The following DCC variants were observed in gnomAD, a reference collection of about 807,000 sequenced individuals.
The protein encoded by DCC is netrin receptor DCC.
DCC carries 58 observed loss-of-function variants against 172.5 expected under a neutral mutation model. The ratio of observed to expected loss-of-function variants is 0.34; its 90% CI spans 0.27 to 0.42. The LOEUF (loss-of-function observed/expected upper bound fraction) is 0.42, where lower values mean the gene tolerates loss of function less well. DCC is among the 10% of genes least tolerant of loss of function. The pLI, the probability that DCC is intolerant of heterozygous loss-of-function variation, is 1.00. For synonymous variants in DCC, 709 were observed against 644.5 expected, an observed-to-expected ratio of 1.10 and a Z score of -1.52; for missense variants, 1,740 against 1,791.0, an observed-to-expected ratio of 0.97 and a Z score of 0.51.
rs1316782354 is a variant in DCC, at chr18:52,927,156, T to TAC, written c.985+1787_985+1788dup. On this transcript the variant is annotated intron_variant, in intron 5 of 28. Transcript: ENST00000442544. Reference sequence around the variant, plus strand: ...ATATACGTGTATATATGTGTATATATACGTATATATGTGTATATATGTGTA... The same window carrying TAC: ...ATATACGTGTATATATGTGTATATATACACGTATATATGTGTATATATGTGTA... Among the ~76,000 whole-genome samples, 45 of 24,956 alleles carry TAC rather than the reference T, an allele frequency of 1.8e-3. 4 individuals are homozygous for TAC. The highest frequency in any genetic ancestry group is 3.5e-3 in the African/African-American group (41 of 11,874). 16.4% of individuals were successfully genotyped at this position (24,956 alleles called of 152,430 possible).
intron 1 of DCC, among the ~76,000 whole-genome samples, chr18:52,681,255 C>A (rs958602440): frequency 6.6e-6 from 1 of 152,064 alleles, no homozygotes; most frequent in African/African-American, 2.4e-5. Context: ...CCTCCAAAGC[C>A]ATTTTTTTCT....
intron 5 of DCC, among the ~76,000 whole-genome samples, chr18:53,038,055 T>C (rs2042120047): frequency 6.6e-6 from 1 of 151,964 alleles, no homozygotes; most frequent in Admixed American, 6.6e-5. Flanking sequence ...AACAGGTACA[T>C]TTGAGATTAT....
chr18:53,274,242 G>A (rs866674559), intron 12 of DCC, among the ~76,000 whole-genome samples: 46 of 151,950 alleles, frequency 3.0e-4, no homozygotes, highest in African/African-American at 1.1e-3. Flanking sequence ...GGCTGTTATC[G>A]ATTCTACAGA....
At chr18:53,083,559 T>C (rs2042835730) in intron 7 of DCC, among the ~76,000 whole-genome samples, 1 of 152,204 alleles carries the variant, frequency 6.6e-6, no homozygotes, top group African/African-American at 2.4e-5. Flanking sequence ...GGTCTTCCTG[T>C]AACTGCAACA....
chr18:52,353,687 T>TTTCTCTCTCTCTTACA (rs761744067), intron 1 of DCC, among the ~76,000 whole-genome samples: 96 of 152,242 alleles, frequency 6.3e-4, no homozygotes, highest in Admixed American at 1.5e-3. Flanking sequence ...CTGCACTGCC[T>TTTCTCTCTCTCTTACA]GGCAGAGAGA....
intron 5 of DCC, among the ~76,000 whole-genome samples, chr18:52,942,828 T>C (rs2040485086): frequency 6.6e-6 from 1 of 152,202 alleles, no homozygotes; most frequent in Non-Finnish European, 1.5e-5. Flanking sequence ...TGAAATATTT[T>C]GCCTTTTCCA....
intron 1 of DCC, among the ~76,000 whole-genome samples, chr18:52,642,050 TG>T (rs2034911230): frequency 5.9e-4 from 3 of 5,118 alleles, no homozygotes; most frequent in African/African-American, 8.3e-4. Context: ...ATATATACTG[TG>T]GTGTGTGTGT....
chr18:53,280,833 A>G (rs1296880246), intron 12 of DCC, among the ~76,000 whole-genome samples: 1 of 152,060 alleles, frequency 6.6e-6, no homozygotes, highest in Non-Finnish European at 1.5e-5. Context: ...ATTCTAGTAG[A>G]CTGAACTATA....
At chr18:52,401,115 A>G (rs1202279523) in intron 1 of DCC, among the ~76,000 whole-genome samples, 5 of 151,964 alleles carry the variant, frequency 3.3e-5, no homozygotes, top group Admixed American at 3.3e-4. Flanking sequence ...ATGATAAATA[A>G]TAATAATAAT....
rs555778332 is a variant in DCC, at chr18:52,889,167, G to T, written c.413-16877G>T. Among the ~76,000 whole-genome samples the T allele has an allele frequency of 9.2e-5, 14 of 152,098 alleles. No individual in the cohort carries two copies. In the South Asian group the frequency reaches 2.9e-3, roughly 32 times the overall value. ...TATGGAACTAGGAATTGGAGATGGGGTAAAAATCTTTACTTTTTCATATTC... is the reference window on the plus strand; with the variant it reads ...TATGGAACTAGGAATTGGAGATGGGTTAAAAATCTTTACTTTTTCATATTC... On this transcript the variant is annotated intron_variant, in intron 2 of 28. Transcript: ENST00000442544.
intron 7 of DCC, among the ~76,000 whole-genome samples, chr18:53,102,238 T>A (rs1481295450): frequency 6.6e-6 from 1 of 152,136 alleles, no homozygotes; most frequent in Non-Finnish European, 1.5e-5. Flanking sequence ...TTTTTCATAG[T>A]GCTACTATTT....
chr18:53,108,180 A>G (rs567969500), intron 7 of DCC, among the ~76,000 whole-genome samples: 3 of 4,080 alleles, frequency 7.4e-4, no homozygotes, highest in African/African-American at 1.9e-3. Flanking sequence ...CATACACAGA[A>G]AAACACACAC....
At chr18:53,112,281 TA>T (rs933128225) in intron 7 of DCC, among the ~76,000 whole-genome samples, 107 of 150,474 alleles carry the variant, frequency 7.1e-4, no homozygotes, top group African/African-American at 1.4e-3. Context: ...CTTATAATAC[TA>T]AAAAAAAAGT....
At chr18:53,087,696 G>C (rs984157698) in intron 7 of DCC, among the ~76,000 whole-genome samples, 1 of 151,704 alleles carries the variant, frequency 6.6e-6, no homozygotes, top group African/African-American at 2.4e-5. Context: ...GTCCTGAATG[G>C]TAATGCCTAG....
chr18:52,569,099 T>C (rs369263881), intron 1 of DCC, among the ~76,000 whole-genome samples: 2 of 152,206 alleles, frequency 1.3e-5, no homozygotes, highest in South Asian at 4.1e-4. Context: ...AATAACAAGA[T>C]AGATCATAAC....
chr18:53,368,011 T>C (rs951205704), intron 15 of DCC, among the ~76,000 whole-genome samples: 1 of 152,182 alleles, frequency 6.6e-6, no homozygotes, highest in African/African-American at 2.4e-5. Context: ...CATACTGTTT[T>C]TCATAGCAGT....
At chr18:52,765,219 G>GTTTTT (rs2037227337) in intron 2 of DCC, among the ~76,000 whole-genome samples, 1 of 51,862 alleles carries the variant, frequency 1.9e-5, no homozygotes, top group African/African-American at 6.0e-5. Flanking sequence ...TTTTTTTTTT[G>GTTTTT]TATTTTTAGT....
intron 18 of DCC, among the ~76,000 whole-genome samples, chr18:53,400,004 A>G (rs564380401): frequency 6.6e-6 from 1 of 152,268 alleles, no homozygotes; most frequent in Admixed American, 6.5e-5. Flanking sequence ...GTTAATTTAT[A>G]ATTGTCATGC....
At chr18:52,639,001 A>G (rs1216480107) in intron 1 of DCC, among the ~76,000 whole-genome samples, 2 of 152,148 alleles carry the variant, frequency 1.3e-5, no homozygotes, top group East Asian at 1.9e-4. Flanking sequence ...ATCAACTCCA[A>G]AAGGAACCTT....
Sources: gnomAD v4.1 joint callset for allele counts (sites outside exome capture counted in the v4.1 genomes callset) on GRCh38, gnomAD v4.1.1 for gene constraint, MANE v1.5 for transcripts, NCBI Gene and HGNC (gene_info 2026-07-23, HGNC 2026-07-21) for gene names.